UGT1A5: variants seen among roughly 807,000 people sequenced by gnomAD.
UGT1A5 encodes UDP glucuronosyltransferase family 1 member A5, also known as UDP-glucuronosyltransferase 1A5.
In UGT1A5, 29 loss-of-function variants were observed where a neutral mutation model predicts 40.3. The observed-to-expected ratio is 0.72, with a 90% CI of 0.54 to 0.98. UGT1A5 has a LOEUF of 0.98. Ranked by LOEUF, UGT1A5 falls within the 50% of genes least tolerant of loss-of-function variation. The pLI, the probability that UGT1A5 is intolerant of heterozygous loss-of-function variation, is 0.00. For missense variants in UGT1A5, 678 were observed against 677.9 expected (o/e 1.00, Z 0.00); for synonymous variants, 257 against 262.5 (o/e 0.98, Z 0.20).
rs569556369 is a variant in UGT1A5, at chr2:233,768,497, C to G, written c.1307+58C>G. 8 of 1,559,772 alleles carry G rather than the reference C, an allele frequency of 5.1e-6. No individual in the cohort carries two copies. The South Asian group carries it at 9.4e-5, about 18-fold the overall frequency. On this transcript the variant is annotated intron_variant, in intron 4 of 4. Coordinates refer to ENST00000373414, the MANE Select transcript of UGT1A5 (RefSeq NM_019078.2). ...CATGGCATTCATGATAAAATTGTTT[C>G]AAATATGAAAACATTTACGTAGCAT... is the stretch of plus-strand genomic sequence containing the variant.
rs41270755 is a variant in UGT1A5 at position 233,713,136 on chromosome 2, C to T, written c.145C>T (p.Arg49Trp). Residue 49 changes from arginine to tryptophan, a missense_variant, in exon 1 of 5, where the codon CGG (arginine) becomes TGG (tryptophan). Transcript: ENST00000373414. The stretch of plus-strand genomic sequence containing the variant: ...CTGGCTCAGCATGCGGGAGGCCTTG[C>T]GGGACCTCCATGCGAGAGGCCACCA... The part of the protein sequence containing the change: ...SHWLSMREAL[R>W]DLHARGHQVV... The T allele has an allele frequency of 1.3e-3, 2,088 of 1,614,170 alleles. 4 individuals are homozygous for T. The highest frequency in any genetic ancestry group is 1.7e-3 in the Non-Finnish European group (1,948 of 1,180,016).
At chr2:233,725,746 A>G (rs561123272) in intron 1 of UGT1A5, among the ~76,000 whole-genome samples, 3 of 152,340 alleles carry the variant, frequency 2.0e-5, no homozygotes, top group African/African-American at 7.2e-5. Context: ...AAACATTGTA[A>G]GAGACTTACA....
chr2:233,730,574 G>A (rs1277853896), intron 1 of UGT1A5, among the ~76,000 whole-genome samples: 1 of 152,170 alleles, frequency 6.6e-6, no homozygotes, highest in African/African-American at 2.4e-5. Context: ...ACGAAGTTCA[G>A]TTTCCAGACA....
chr2:233,761,011 G>A, intron 1 of UGT1A5: 1 of 1,614,156 alleles, frequency 6.2e-7, no homozygotes, highest in Non-Finnish European at 8.5e-7. Flanking sequence ...TCAGAGAGAG[G>A]TGACTGTCCA....
Position 233,713,121 on chromosome 2 carries a change from ATGCGGGAGGCCT to A in UGT1A5, c.138_149del (p.Glu46_Arg49del). 6.2e-7 allele frequency: 1 copy of A among 1,614,250 alleles called. No homozygotes were observed. Among genetic ancestry groups the A allele is most frequent in the South Asian group, 1.1e-5 (1 of 91,086 alleles). On this transcript the variant is annotated inframe_deletion, in exon 1 of 5. Coordinates refer to ENST00000373414, the MANE Select transcript of UGT1A5 (RefSeq NM_019078.2). ...CACTGATGGCAGCCACTGGCTCAGC[ATGCGGGAGGCCT>A]TGCGGGACCTCCATGCGAGAGGCCA...
chr2:233,734,158 C>CT (rs2078493084), intron 1 of UGT1A5, among the ~76,000 whole-genome samples: 1 of 151,988 alleles, frequency 6.6e-6, no homozygotes, highest in African/African-American at 2.4e-5. Flanking sequence ...TGGTCCTGGA[C>CT]TTTTTTTGGT....
At chr2:233,745,063 T>C (rs1693001663) in intron 1 of UGT1A5, among the ~76,000 whole-genome samples, 1 of 151,886 alleles carries the variant, frequency 6.6e-6, no homozygotes, top group African/African-American at 2.4e-5. Flanking sequence ...ATTTGTATTA[T>C]TTGTATTGTT....
At position 233,746,640 on chromosome 2, in the gene UGT1A5, A is replaced by C. The variant is rs553124614; in HGVS notation, c.868-20394A>C. Among the ~76,000 whole-genome samples the C allele has an allele frequency of 3.3e-5, 5 of 151,640 alleles. No individual in the cohort carries two copies. In the East Asian group the frequency reaches 9.7e-4, roughly 29 times the overall value. On this transcript the variant is annotated intron_variant, in intron 1 of 4. Transcript: ENST00000373414. ...TCCTTTCAGGCAAGGACCATTTCTA[A>C]CTTGGCTTTCTGTCCCGAGTTCCTA...
chr2:233,766,403 C>T (rs889722071), intron 1 of UGT1A5, among the ~76,000 whole-genome samples: 1 of 152,294 alleles, frequency 6.6e-6, no homozygotes, highest in South Asian at 2.1e-4. Flanking sequence ...TGCGTCCCTC[C>T]GCTGATGTGC....
chr2:233,728,353 G>C (rs563939650), intron 1 of UGT1A5, among the ~76,000 whole-genome samples: 3 of 152,192 alleles, frequency 2.0e-5, no homozygotes, highest in African/African-American at 7.2e-5. Context: ...GTGAGCAGGA[G>C]CTCCCTGAAC....
intron 1 of UGT1A5, among the ~76,000 whole-genome samples, chr2:233,737,436 G>T (rs969816672): frequency 6.6e-6 from 1 of 152,186 alleles, no homozygotes; most frequent in African/African-American, 2.4e-5. Flanking sequence ...GGGTGGGAGT[G>T]TCCCGTTTTT....
In UGT1A5 at chr2:233,725,300, A is replaced by G. The variant is rs956221010; in HGVS notation, c.867+11442A>G. The stretch of plus-strand genomic sequence containing the variant: ...CAGAGGCAGAGGCAGAGGCAGAGGC[A>G]GAGGCAGAGGCAGAGGCGCCTGGTC... On this transcript the variant is annotated intron_variant, in intron 1 of 4. Transcript: ENST00000373414. 9.4e-5 allele frequency among the ~76,000 whole-genome samples: 7 copies of G among 74,572 alleles called. 1 individual carries two copies. In the East Asian group the frequency reaches 1.7e-3, roughly 18 times the overall value. The allele number at this position is 74,572 out of a possible 152,430, so 48.9% of individuals were successfully genotyped here.
In UGT1A5 at chr2:233,769,857, CAA is replaced by C. The variant is rs879204025; in HGVS notation, c.1307+1434_1307+1435del. The C allele has an allele frequency of 0.032, 7,144 of 220,908 alleles. No individual in the cohort carries two copies. The highest frequency in any genetic ancestry group is 0.048 in the South Asian group (428 of 8,924). The allele number at this position is 220,908 out of a possible 1,614,324, so 13.7% of individuals were successfully genotyped here. Reference sequence around the variant, plus strand: ...TGGGCAACAGAGTGAGACCCTGTCTCAAAAAAAAAAAAAAAAATGAAAAGTCC... The same window carrying C: ...TGGGCAACAGAGTGAGACCCTGTCTCAAAAAAAAAAAAAAATGAAAAGTCC... On this transcript the variant is annotated intron_variant, in intron 4 of 4. Transcript: ENST00000373414. The surrounding 1 kb of genome is among the most constrained non-coding windows in gnomAD (Gnocchi z 4.4).
At chr2:233,737,682 C>T (rs555307155) in intron 1 of UGT1A5, among the ~76,000 whole-genome samples, 163 of 152,234 alleles carry the variant, frequency 1.1e-3, no homozygotes, top group Non-Finnish European at 1.9e-3. Flanking sequence ...CCTATTTGGC[C>T]ATTGGTGCTG....
At chr2:233,724,300 C>A (rs1204740758) in intron 1 of UGT1A5, among the ~76,000 whole-genome samples, 1 of 143,820 alleles carries the variant, frequency 7.0e-6, no homozygotes, top group Non-Finnish European at 1.5e-5. Context: ...GACCCCCCCA[C>A]CTCCCTCCCG....
intron 4 of UGT1A5, 143 bp downstream of exon 4, chr2:233,768,582 CTTTTTTT>C (rs139595073): frequency 1.2e-4 from 124 of 1,032,798 alleles, no homozygotes; most frequent in East Asian, 4.8e-4. Context: ...TTTATTTCTT[CTTTTTTT>C]TTTTTTTTTT....
At chr2:233,747,122 G>A in intron 1 of UGT1A5, 1 of 1,481,738 alleles carries the variant, frequency 6.7e-7, no homozygotes, top group Non-Finnish European at 9.1e-7. Flanking sequence ...GATTTGCTAA[G>A]TGGCTCAGTG....
At chr2:233,755,984 T>G (rs1407833080) in intron 1 of UGT1A5, 1 of 152,244 alleles carries the variant, frequency 6.6e-6, no homozygotes, top group African/African-American at 2.4e-5. Flanking sequence ...TGGATTCTCA[T>G]GTCAGCTTCT....
intron 1 of UGT1A5, among the ~76,000 whole-genome samples, chr2:233,737,453 A>G (rs1465600831): frequency 6.6e-6 from 1 of 152,182 alleles, no homozygotes; most frequent in Non-Finnish European, 1.5e-5. Context: ...TTTTCCAGGT[A>G]CAGTCTGTCA....
Sources: allele counts gnomAD v4.1 joint callset (sites outside exome capture counted in the v4.1 genomes callset), GRCh38; gene constraint gnomAD v4.1.1; non-coding constraint Gnocchi (gnomAD v3.1); transcripts MANE v1.5; gene names NCBI Gene and HGNC (gene_info 2026-07-23, HGNC 2026-07-21).